Variants in LYPLAL1 observed in about 807,000 individuals in gnomAD.
LYPLAL1 encodes lysophospholipase-like protein 1.
In LYPLAL1, 23 loss-of-function variants were observed where a neutral mutation model predicts 19.7. That is an observed-to-expected ratio of 1.17 (90% confidence interval 0.84 to 1.65). The LOEUF is 1.65. Ranked by LOEUF, LYPLAL1 falls within the 40% of genes most tolerant of loss-of-function variation. The pLI is 0.00. For synonymous variants in LYPLAL1, 119 were observed against 96.3 expected, an observed-to-expected ratio of 1.24 and a Z score of -1.38; for missense variants, 355 against 279.4, an observed-to-expected ratio of 1.27 and a Z score of -1.93.
At chr1:219,387,577 T>A in the LYPLAL1 span, among the ~76,000 whole-genome samples, 6 of 152,348 alleles carry the variant, frequency 3.9e-5, no homozygotes, top group East Asian at 1.2e-3. Flanking sequence ...CAGTTTTCTA[T>A]AATTTTCGTT....
At chr1:219,412,337 G>T in the LYPLAL1 span, among the ~76,000 whole-genome samples, 3 of 152,124 alleles carry the variant, frequency 2.0e-5, no homozygotes, top group African/African-American at 7.2e-5. Flanking sequence ...TTATTTGGTG[G>T]TTTCTCTTCT....
the LYPLAL1 span, among the ~76,000 whole-genome samples, chr1:219,344,184 A>G: frequency 6.6e-6 from 1 of 151,954 alleles, no homozygotes; most frequent in African/African-American, 2.4e-5. Context: ...TGGTAAACTC[A>G]CTGTAGTTTG....
At chr1:219,324,200 T>G in the LYPLAL1 span, among the ~76,000 whole-genome samples, 1 of 152,248 alleles carries the variant, frequency 6.6e-6, no homozygotes, top group African/African-American at 2.4e-5. Flanking sequence ...GATGCCAGTT[T>G]CTGATTCTTA....
chr1:219,283,609 C>A, the LYPLAL1 span, among the ~76,000 whole-genome samples: 2 of 152,052 alleles, frequency 1.3e-5, no homozygotes, highest in Non-Finnish European at 2.9e-5. Context: ...AATTAAAGCA[C>A]AGCATTTTTA....
the LYPLAL1 span, among the ~76,000 whole-genome samples, chr1:219,247,610 C>T: frequency 9.6e-3 from 1,457 of 152,316 alleles, 34 homozygotes; most frequent in African/African-American, 0.033. Flanking sequence ...TCCAGCTTTG[C>T]ATGCTTTCTG....
chr1:219,379,372 T>C, the LYPLAL1 span, among the ~76,000 whole-genome samples: 1 of 152,204 alleles, frequency 6.6e-6, no homozygotes, highest in African/African-American at 2.4e-5. Context: ...TCAGACCAGA[T>C]GTACATTGTC....
the LYPLAL1 span, among the ~76,000 whole-genome samples, chr1:219,444,650 C>A: frequency 6.6e-6 from 1 of 152,220 alleles, no homozygotes; most frequent in Non-Finnish European, 1.5e-5. Flanking sequence ...CAGTCAAAGT[C>A]ATTGTGCTTA....
chr1:219,419,588 C>CAG, the LYPLAL1 span, among the ~76,000 whole-genome samples: 73 of 75,954 alleles, frequency 9.6e-4, no homozygotes, highest in Non-Finnish European at 1.7e-3. Flanking sequence ...CACACACACA[C>CAG]ACACACAGAG....
the LYPLAL1 span, among the ~76,000 whole-genome samples, chr1:219,421,022 C>T: frequency 9.9e-5 from 15 of 152,114 alleles, no homozygotes; most frequent in Non-Finnish European, 1.5e-4. Flanking sequence ...AAATCTGAAC[C>T]AGTTGTGAAA....
At chr1:219,225,900 T>G in the LYPLAL1 span, among the ~76,000 whole-genome samples, 605 of 152,266 alleles carry the variant, frequency 4.0e-3, 6 homozygotes, top group African/African-American at 0.014. Flanking sequence ...TGCCAATATT[T>G]CCTGGACGTG....
the LYPLAL1 span, among the ~76,000 whole-genome samples, chr1:219,441,453 G>T: frequency 6.6e-6 from 1 of 152,184 alleles, no homozygotes; most frequent in Admixed American, 6.6e-5. Flanking sequence ...AAGCAAGATT[G>T]TCCATGTGTT....
chr1:219,326,732 T>C, the LYPLAL1 span, among the ~76,000 whole-genome samples: 6 of 152,166 alleles, frequency 3.9e-5, no homozygotes, highest in Non-Finnish European at 7.3e-5. Flanking sequence ...TTAAAAAGTG[T>C]CAAGGGGAAA....
At chr1:219,444,356 A>C in the LYPLAL1 span, among the ~76,000 whole-genome samples, 9 of 152,214 alleles carry the variant, frequency 5.9e-5, no homozygotes, top group Non-Finnish European at 1.2e-4. Flanking sequence ...ACACAGGTAG[A>C]AAAGGCTTGG....
intron 2 of LYPLAL1, among the ~76,000 whole-genome samples, chr1:219,183,265 A>G (rs970517249): frequency 6.6e-6 from 1 of 151,936 alleles, no homozygotes; most frequent in African/African-American, 2.4e-5. Flanking sequence ...TTATTTGCCC[A>G]TTCTTTTATT....
At chr1:219,183,947 T>A (rs965361867) in intron 2 of LYPLAL1, among the ~76,000 whole-genome samples, 1 of 151,946 alleles carries the variant, frequency 6.6e-6, no homozygotes, top group Non-Finnish European at 1.5e-5. Context: ...CTCTATTCCA[T>A]TGGTCTAATC....
chr1:219,356,414 C>T, the LYPLAL1 span, among the ~76,000 whole-genome samples: 8 of 152,078 alleles, frequency 5.3e-5, no homozygotes, highest in Non-Finnish European at 8.8e-5. Context: ...GCAGGAGAAT[C>T]GCTTGAACCC....
the LYPLAL1 span, chr1:219,273,007 C>G: frequency 6.6e-6 from 1 of 152,098 alleles, no homozygotes; most frequent in East Asian, 1.9e-4. Flanking sequence ...ATTTAGCAGA[C>G]AGCCACTGTA....
At chr1:219,402,461 C>T in the LYPLAL1 span, among the ~76,000 whole-genome samples, 1 of 151,830 alleles carries the variant, frequency 6.6e-6, no homozygotes, top group Admixed American at 6.6e-5. Context: ...GTGCATTTCC[C>T]CCTAAGATAA....
the LYPLAL1 span, among the ~76,000 whole-genome samples, chr1:219,237,363 A>G: frequency 6.6e-6 from 1 of 152,344 alleles, no homozygotes; most frequent in African/African-American, 2.4e-5. Context: ...CCAAGCCATG[A>G]CTCTTAACAA....
Sources: gnomAD v4.1 joint callset for allele counts (sites outside exome capture counted in the v4.1 genomes callset) on GRCh38, gnomAD v4.1.1 for gene constraint, MANE v1.5 for transcripts, NCBI Gene and HGNC (gene_info 2026-07-23, HGNC 2026-07-21) for gene names.